GRM2: variants seen among roughly 807,000 people sequenced by gnomAD.
GRM2 encodes the protein metabotropic glutamate receptor 2.
A neutral mutation model predicts 60.4 loss-of-function variants in GRM2; 35 were observed. The ratio of observed to expected loss-of-function variants is 0.58; its 90% CI spans 0.44 to 0.77. The LOEUF (loss-of-function observed/expected upper bound fraction) is 0.77, where lower values mean the gene tolerates loss of function less well. GRM2 is among the 30% of genes least tolerant of loss of function. GRM2 has a pLI of 0.00. For missense variants in GRM2, 925 were observed against 1,199.5 expected, an observed-to-expected ratio of 0.77 and a Z score of 3.38; for synonymous variants, 437 against 484.1, an observed-to-expected ratio of 0.90 and a Z score of 1.28.
At position 51,718,079 on chromosome 3, in the gene GRM2, T is replaced by C. The variant is rs1703969272; in HGVS notation, c.2586T>C (p.Arg862=). 8 of 1,614,138 alleles carry C rather than the reference T, an allele frequency of 5.0e-6. No homozygotes were observed. Among genetic ancestry groups the C allele is most frequent in the Non-Finnish European group, 6.8e-6 (8 of 1,179,990 alleles). The change falls in exon 6 of 6, where the codon CGT becomes CGC. Residue 862 remains arginine (R), a synonymous_variant. Transcript: ENST00000395052. The surrounding 1 kb of genome is among the most constrained non-coding windows in gnomAD (Gnocchi z 4.2). ...TTGTCCCCACTGTTTGCAATGGCCG[T>C]GAGGTGGTGGACTCGACAACGTCAT... ...SQFVPTVCNG[R]EVVDSTTSSL is the part of the protein sequence containing the mutation.
chr3:51,709,668 TCACACACACA>T (rs55878240), intron 2 of GRM2, among the ~76,000 whole-genome samples: 1 of 55,610 alleles, frequency 1.8e-5, no homozygotes, highest in Admixed American at 2.2e-4. Context: ...ACACACACCC[TCACACACACA>T]CACACACCCC....
In GRM2 at chr3:51,715,593, A is replaced by G; in HGVS notation, c.1820A>G (p.Tyr607Cys). ...VVKASGRELC[Y>C]ILLGGVFLCY... Reference sequence around the variant, plus strand: ...AAGGCCTCAGGTCGGGAGCTCTGCTACATCCTGCTGGGTGGTGTCTTCCTC... The same window carrying G: ...AAGGCCTCAGGTCGGGAGCTCTGCTGCATCCTGCTGGGTGGTGTCTTCCTC... Residue 607 changes from tyrosine to cysteine, a missense_variant, in exon 4 of 6, where the codon TAC (tyrosine) becomes TGC (cysteine). Transcript: ENST00000395052. This position sits in a 1 kb window ranked among gnomAD's most constrained non-coding sequence, Gnocchi z 9.0. 6.2e-7 allele frequency: 1 copy of G among 1,614,220 alleles called. No homozygotes were observed. The highest frequency in any genetic ancestry group is 1.1e-5 in the South Asian group (1 of 91,088).
rs1703761364 is a variant in GRM2, at chr3:51,712,758, AGCCGCGCG to A, written c.740_747del (p.Arg247LeufsTer2). 6.2e-7 allele frequency: 1 copy of A among 1,613,454 alleles called. No homozygotes were observed. The highest frequency in any genetic ancestry group is 2.2e-5 in the East Asian group (1 of 44,884). ...CTCGGAGAAAGTGGGCCGTGCCATG[AGCCGCGCG>A]GCCTTTGAGGGTGTGGTGCGAGCCC... On this transcript the variant is annotated frameshift_variant, in exon 3 of 6. Transcript: ENST00000395052. LOFTEE classifies it high-confidence loss of function. This position sits in a 1 kb window ranked among gnomAD's most constrained non-coding sequence, Gnocchi z 5.3.
In GRM2 at chr3:51,718,544, C is replaced by A. The variant is rs1335422809; in HGVS notation, c.*432C>A. The A allele has an allele frequency of 4.3e-5, 8 of 184,566 alleles. No individual in the cohort carries two copies. Among genetic ancestry groups the A allele is most frequent in the Admixed American group, 3.3e-4 (6 of 18,238 alleles). The allele number at this position is 184,566 out of a possible 1,614,324, so 11.4% of individuals were successfully genotyped here. On this transcript the variant is annotated 3_prime_UTR_variant, in exon 6 of 6. Coordinates refer to ENST00000395052, the MANE Select transcript of GRM2 (RefSeq NM_000839.5). This position sits in a 1 kb window ranked among gnomAD's most constrained non-coding sequence, Gnocchi z 4.2. Reference sequence around the variant, plus strand: ...TGGTTATTGTGGGGGCTGCCCCTCCCCCTGCACAGTAGTTTGTCCTGTGGT... The same window carrying A: ...TGGTTATTGTGGGGGCTGCCCCTCCACCTGCACAGTAGTTTGTCCTGTGGT...
chr3:51,709,494 T>G, intron 2 of GRM2, 61 bp downstream of exon 2: 2 of 1,245,046 alleles, frequency 1.6e-6, no homozygotes, highest in Admixed American at 5.5e-5. Flanking sequence ...GACCCAGAAT[T>G]CCTGCTGAAA....
At position 51,712,517 on chromosome 3, in the gene GRM2, C is replaced by T. The variant is rs200050063; in HGVS notation, c.495C>T (p.Tyr165=). 694 of 1,613,920 alleles carry T rather than the reference C, an allele frequency of 4.3e-4. 1 individual carries two copies. Among genetic ancestry groups the T allele is most frequent in the East Asian group, 5.1e-4 (23 of 44,894 alleles). ...LRLFQIPQIS[Y]ASTSAKLSDK... is the part of the protein sequence containing the mutation. ...TATTTCAGATCCCACAGATTAGCTACGCCTCTACCAGTGCCAAGCTGAGTG... is the reference window on the plus strand; with the variant it reads ...TATTTCAGATCCCACAGATTAGCTATGCCTCTACCAGTGCCAAGCTGAGTG... Residue 165 remains tyrosine, a synonymous_variant, in exon 3 of 6, where the codon TAC becomes TAT. Coordinates refer to ENST00000395052, the MANE Select transcript of GRM2 (RefSeq NM_000839.5). The surrounding 1 kb of genome is among the most constrained non-coding windows in gnomAD (Gnocchi z 5.3).
rs535934607 is a variant in GRM2, at chr3:51,710,634, C to T, written c.450+1201C>T. Among the ~76,000 whole-genome samples, 8 of 87,394 alleles carry T rather than the reference C, an allele frequency of 9.2e-5. No homozygotes were observed. In the South Asian group the frequency reaches 1.3e-3, roughly 14 times the overall value. 57.3% of individuals were successfully genotyped at this position (87,394 alleles called of 152,430 possible). A position where few individuals can be genotyped will look rare whatever the true frequency, so the allele number is the denominator to read the frequency against. On this transcript the variant is annotated intron_variant, in intron 2 of 5. Transcript: ENST00000395052. ...GAAGGAAGATAAACAGAATATGTGT[C>T]GGGGGAGGGCACCAGAGAGTCTTCA... is the stretch of plus-strand genomic sequence containing the variant.
In GRM2 at chr3:51,713,317, G is replaced by A. The variant is rs931873183; in HGVS notation, c.1288+7G>A. The A allele has an allele frequency of 6.4e-7, 1 of 1,565,636 alleles. No homozygotes were observed. The highest frequency in any genetic ancestry group is 8.7e-7 in the Non-Finnish European group (1 of 1,144,116). On this transcript the variant is annotated splice_region_variant and intron_variant, in intron 3 of 5. Transcript: ENST00000395052. The surrounding 1 kb of genome is among the most constrained non-coding windows in gnomAD (Gnocchi z 4.8). ...CTCAACGTCAAGTTTGATGGTAATG[G>A]TGTTGGCCAGTGTCCATTGGCCTGC... is the stretch of plus-strand genomic sequence containing the variant.
At position 51,712,395 on chromosome 3, in the gene GRM2, C is replaced by T; in HGVS notation, c.451-78C>T. 2 of 939,792 alleles carry T rather than the reference C, an allele frequency of 2.1e-6. No individual in the cohort carries two copies. Among genetic ancestry groups the T allele is most frequent in the African/African-American group, 1.6e-5 (1 of 62,024 alleles). The allele number at this position is 939,792 out of a possible 1,614,324, so 58.2% of individuals were successfully genotyped here. Reference sequence around the variant, plus strand: ...CCTTGTGGACACTTGACACCAAGACCTGCTAGCTGTGGGGGATGCACCTGT... The same window carrying T: ...CCTTGTGGACACTTGACACCAAGACTTGCTAGCTGTGGGGGATGCACCTGT... On this transcript the variant is annotated intron_variant, in intron 2 of 5. Coordinates refer to ENST00000395052, the MANE Select transcript of GRM2 (RefSeq NM_000839.5). This position sits in a 1 kb window ranked among gnomAD's most constrained non-coding sequence, Gnocchi z 5.3.
Position 51,713,142 on chromosome 3 carries a change from C to A in GRM2, c.1120C>A (p.Gln374Lys), listed in dbSNP as rs748058333. Residue 374 changes from glutamine (Q) to lysine (K), a missense_variant, in exon 3 of 6, where the codon CAG becomes AAG. Gln to Lys is a moderately conservative substitution (Grantham distance 53, BLOSUM62 1). Coordinates refer to ENST00000395052, the MANE Select transcript of GRM2 (RefSeq NM_000839.5). The surrounding 1 kb of genome is among the most constrained non-coding windows in gnomAD (Gnocchi z 4.8). ...AHSLRAVPFE[Q>K]ESKIMFVVNA... ...CTCTCTCCGGGCTGTGCCCTTTGAG[C>A]AGGAGTCCAAGATCATGTTTGTGGT... 2 of 1,613,184 alleles carry A rather than the reference C, an allele frequency of 1.2e-6. No homozygotes were observed. Among genetic ancestry groups the A allele is most frequent in the South Asian group, 2.2e-5 (2 of 91,092 alleles).
intron 2 of GRM2, among the ~76,000 whole-genome samples, chr3:51,709,703 A>C (rs1181863941): frequency 3.4e-5 from 2 of 59,358 alleles, no homozygotes; most frequent in Non-Finnish European, 3.3e-5. Flanking sequence ...ACCCTCACAC[A>C]CACACACAGC....
At chr3:51,714,172 T>C in intron 3 of GRM2, 3 of 227,890 alleles carry the variant, frequency 1.3e-5, no homozygotes, top group South Asian at 9.8e-5. Context: ...AGTGTAGGGG[T>C]TAGGGTTGGA....
At position 51,708,797 on chromosome 3, in the gene GRM2, T is replaced by C. The variant is rs1703589968; in HGVS notation, c.-136-51T>C. 3.5e-5 allele frequency: 19 copies of C among 537,070 alleles called. 1 individual carries two copies. In the South Asian group the frequency reaches 5.7e-4, roughly 16 times the overall value. 33.3% of individuals were successfully genotyped at this position (537,070 alleles called of 1,614,324 possible). On this transcript the variant is annotated intron_variant, in intron 1 of 5. Coordinates refer to ENST00000395052, the MANE Select transcript of GRM2 (RefSeq NM_000839.5). ...GCAGAGTCAGAAGGGGCAGCTGCTC[T>C]CAGGTTCCACTTTTCCTGGTCTGTT...
intron 1 of GRM2, chr3:51,708,136 GAC>G (rs1325311391): frequency 2.0e-5 from 3 of 152,184 alleles, no homozygotes; most frequent in Non-Finnish European, 4.4e-5. Flanking sequence ...CCCCAACCCT[GAC>G]ACACACATAC....
chr3:51,715,948 T>G lies in GRM2; in HGVS notation c.2175T>G (p.Asp725Glu). ...TGACACTGCGCTGCAACCACCGCGA[T>G]GCAAGTATGTTGGGCTCGCTGGCCT... Reference protein sequence around the residue: ...EVVTLRCNHRDASMLGSLAYN... With the variant: ...EVVTLRCNHREASMLGSLAYN... The change falls in exon 4 of 6, where the codon GAT becomes GAG. Residue 725 changes from aspartate (D) to glutamate (E), a missense_variant. By Grantham distance (45) the Asp-to-Glu change is conservative. Coordinates refer to ENST00000395052, the MANE Select transcript of GRM2 (RefSeq NM_000839.5). The surrounding 1 kb of genome is among the most constrained non-coding windows in gnomAD (Gnocchi z 9.0). 6.2e-7 allele frequency: 1 copy of G among 1,614,102 alleles called. No individual in the cohort carries two copies. The highest frequency in any genetic ancestry group is 2.2e-5 in the East Asian group (1 of 44,878).
At position 51,717,910 on chromosome 3, in the gene GRM2, C is replaced by T. The variant is rs1703964011; in HGVS notation, c.2545+93C>T. The T allele has an allele frequency of 6.9e-7, 1 of 1,449,116 alleles. No individual in the cohort carries two copies. Among genetic ancestry groups the T allele is most frequent in the Non-Finnish European group, 9.7e-7 (1 of 1,031,970 alleles). 89.8% of individuals were successfully genotyped at this position (1,449,116 alleles called of 1,614,324 possible). On this transcript the variant is annotated intron_variant, in intron 5 of 5. Coordinates refer to ENST00000395052, the MANE Select transcript of GRM2 (RefSeq NM_000839.5). This position sits in a 1 kb window ranked among gnomAD's most constrained non-coding sequence, Gnocchi z 6.0. ...TCTCTTGTCTGGGGGTGAGGTGCCCCCCAAATGACACTGGCAGGAGAGGAC... is the reference window on the plus strand; with the variant it reads ...TCTCTTGTCTGGGGGTGAGGTGCCCTCCAAATGACACTGGCAGGAGAGGAC...
chr3:51,711,157 C>G (rs1346129352), intron 2 of GRM2: 1 of 152,252 alleles, frequency 6.6e-6, no homozygotes, highest in Non-Finnish European at 1.5e-5. Context: ...CCTGCTAATC[C>G]CAGACACTGG....
chr3:51,713,291 G>A lies in GRM2; in HGVS notation c.1269G>A (p.Val423=). 1.9e-6 allele frequency: 3 copies of A among 1,608,400 alleles called. No individual in the cohort carries two copies. Among genetic ancestry groups the A allele is most frequent in the Non-Finnish European group, 2.5e-6 (3 of 1,176,546 alleles). Residue 423 remains valine, a synonymous_variant, in exon 3 of 6, where the codon GTG becomes GTA. Coordinates refer to ENST00000395052, the MANE Select transcript of GRM2 (RefSeq NM_000839.5). This position sits in a 1 kb window ranked among gnomAD's most constrained non-coding sequence, Gnocchi z 4.8. ...VNGRRLYKDF[V]LNVKFDAPFR... is the part of the protein sequence containing the mutation. Reference sequence around the variant, plus strand: ...GGCGCCGCCTCTACAAGGACTTTGTGCTCAACGTCAAGTTTGATGGTAATG... The same window carrying A: ...GGCGCCGCCTCTACAAGGACTTTGTACTCAACGTCAAGTTTGATGGTAATG...
rs1703979214 is a variant in GRM2 at position 51,718,429 on chromosome 3, C to G, written c.*317C>G. On this transcript the variant is annotated 3_prime_UTR_variant, in exon 6 of 6. Transcript: ENST00000395052. This position sits in a 1 kb window ranked among gnomAD's most constrained non-coding sequence, Gnocchi z 4.2. ...GTGGCTGAGGACGGCAGGCCCCAGTCCTAACCAGCAAAGGTGCTTCCAGCC... is the reference window on the plus strand; with the variant it reads ...GTGGCTGAGGACGGCAGGCCCCAGTGCTAACCAGCAAAGGTGCTTCCAGCC... The G allele has an allele frequency of 2.8e-6, 1 of 353,298 alleles. No homozygotes were observed. Among genetic ancestry groups the G allele is most frequent in the Non-Finnish European group, 5.2e-6 (1 of 191,748 alleles). 21.9% of individuals were successfully genotyped at this position (353,298 alleles called of 1,614,324 possible). A position where few individuals can be genotyped will look rare whatever the true frequency, so the allele number is the denominator to read the frequency against.
Sources: gnomAD v4.1 joint callset for allele counts (sites outside exome capture counted in the v4.1 genomes callset) on GRCh38, gnomAD v4.1.1 for gene constraint, Gnocchi (gnomAD v3.1) non-coding constraint, MANE v1.5 for transcripts, NCBI Gene and HGNC (gene_info 2026-07-23, HGNC 2026-07-21) for gene names.